The following CNTN4 variants were observed in gnomAD, a reference collection of about 807,000 sequenced individuals.
CNTN4 encodes contactin 4.
CNTN4 carries 77 observed loss-of-function variants against 122.5 expected under a neutral mutation model. The ratio of observed to expected loss-of-function variants is 0.63; its 90% CI spans 0.52 to 0.76. The LOEUF is 0.76. Among genes scored for constraint, CNTN4 ranks in the 30% least tolerant of loss-of-function variants. The pLI, the probability that CNTN4 is intolerant of heterozygous loss-of-function variation, is 0.00. For missense variants in CNTN4, 1,256 were observed against 1,259.1 expected, an observed-to-expected ratio of 1.00 and a Z score of 0.04; for synonymous variants, 512 against 447.0, an observed-to-expected ratio of 1.15 and a Z score of -1.83.
intron 3 of CNTN4, among the ~76,000 whole-genome samples, chr3:2,569,491 AAT>A (rs1253156997): frequency 1.3e-5 from 2 of 152,170 alleles, no homozygotes; most frequent in Admixed American, 1.3e-4. Context: ...GTATACCATA[AAT>A]ATATACAATT....
intron 5 of CNTN4, among the ~76,000 whole-genome samples, chr3:2,742,200 T>C (rs17019645): frequency 0.86 from 130,302 of 151,606 alleles, 56,098 homozygotes; most frequent in Admixed American, 0.9. Flanking sequence ...CTAGGTTCTC[T>C]CCTCAGACAC....
intron 3 of CNTN4, among the ~76,000 whole-genome samples, chr3:2,521,343 T>TCGGGGCCCCCAC (rs781282977): frequency 7.8e-6 from 1 of 128,310 alleles, no homozygotes; most frequent in Admixed American, 8.2e-5. Flanking sequence ...CCTCTACCCA[T>TCGGGGCCCCCAC]CCCCCCCACC....
chr3:2,659,239 GA>G (rs1336471395), intron 4 of CNTN4, among the ~76,000 whole-genome samples: 1 of 151,954 alleles, frequency 6.6e-6, no homozygotes, highest in African/African-American at 2.4e-5. Context: ...AAGGCGAGCA[GA>G]TCACTTGAGG....
chr3:2,147,802 G>C (rs190946607), intron 2 of CNTN4, among the ~76,000 whole-genome samples: 8 of 152,120 alleles, frequency 5.3e-5, no homozygotes, highest in African/African-American at 1.4e-4. Flanking sequence ...GCTTTGATCA[G>C]ACAAGATGGC....
At chr3:2,120,734 C>G (rs2033715803) in intron 2 of CNTN4, among the ~76,000 whole-genome samples, 2 of 151,932 alleles carry the variant, frequency 1.3e-5, no homozygotes, top group African/African-American at 4.8e-5. Flanking sequence ...GCATGTGACT[C>G]TCACGAGTGT....
chr3:2,745,184 G>A (rs1417947536), intron 5 of CNTN4, among the ~76,000 whole-genome samples: 1 of 152,140 alleles, frequency 6.6e-6, no homozygotes, highest in Non-Finnish European at 1.5e-5. Context: ...TTTTACTGAG[G>A]AGCCCCATTT....
chr3:2,245,054 A>G (rs1559374848), intron 2 of CNTN4, among the ~76,000 whole-genome samples: 1 of 152,040 alleles, frequency 6.6e-6, no homozygotes, highest in Non-Finnish European at 1.5e-5. Context: ...CATAATAGAT[A>G]CAATGGATGG....
At chr3:2,558,012 A>G (rs2078792512) in intron 3 of CNTN4, among the ~76,000 whole-genome samples, 2 of 152,202 alleles carry the variant, frequency 1.3e-5, no homozygotes, top group African/African-American at 4.8e-5. Flanking sequence ...GGTATACTGT[A>G]TGTACATATC....
At chr3:2,317,961 G>T (rs566153987) in intron 2 of CNTN4, among the ~76,000 whole-genome samples, 145 of 152,206 alleles carry the variant, frequency 9.5e-4, no homozygotes, top group African/African-American at 3.2e-3. Context: ...TCTTTTGTCT[G>T]CATTTTCCCC....
chr3:2,586,375 T>C lies in CNTN4; in HGVS notation c.55+14817T>C, dbSNP rs376886515. 4.6e-5 allele frequency among the ~76,000 whole-genome samples: 7 copies of C among 152,156 alleles called. No individual in the cohort carries two copies. In the East Asian group the frequency reaches 1.3e-3, roughly 29 times the overall value. On this transcript the variant is annotated intron_variant, in intron 4 of 24. Coordinates refer to ENST00000418658, the MANE Select transcript of CNTN4 (RefSeq NM_175607.3). ...TGGCACAATATCGGCTCACTGCAAC[T>C]TCTGCCTCCCACGTTCAAGCGATTC... is the stretch of plus-strand genomic sequence containing the variant.
rs1327504755 is a variant in CNTN4, at chr3:2,978,327, C to T, written c.1359-10018C>T. Among the ~76,000 whole-genome samples the T allele has an allele frequency of 9.2e-5, 14 of 152,172 alleles. No homozygotes were observed. The East Asian group carries it at 2.7e-3, about 29-fold the overall frequency. ...CTACCCTAAATCCCGGCCCCATGTA[C>T]TCAGGCACATGCTGCTACTGGTTTA... On this transcript the variant is annotated intron_variant, in intron 13 of 24. Transcript: ENST00000418658.
intron 2 of CNTN4, among the ~76,000 whole-genome samples, chr3:2,224,415 C>T (rs908789763): frequency 5.3e-5 from 8 of 152,306 alleles, no homozygotes; most frequent in South Asian, 4.1e-4. Flanking sequence ...CTGGGAAAGA[C>T]GATAGTCTGT....
chr3:2,497,861 C>T (rs2076493926), intron 3 of CNTN4, among the ~76,000 whole-genome samples: 1 of 152,088 alleles, frequency 6.6e-6, no homozygotes, highest in Admixed American at 6.5e-5. Context: ...TCATGTTTGT[C>T]TAGCTCTTCA....
At chr3:2,869,308 G>A (rs1466792773) in intron 8 of CNTN4, among the ~76,000 whole-genome samples, 1 of 152,086 alleles carries the variant, frequency 6.6e-6, no homozygotes, top group Admixed American at 6.6e-5. Context: ...TAATTCAGTT[G>A]GGAAATGATG....
At chr3:2,476,729 T>A (rs1258029917) in intron 3 of CNTN4, among the ~76,000 whole-genome samples, 1 of 152,190 alleles carries the variant, frequency 6.6e-6, no homozygotes, top group Non-Finnish European at 1.5e-5. Flanking sequence ...AATTGGATTG[T>A]GATTATGATT....
At chr3:2,258,178 A>G (rs942544333) in intron 2 of CNTN4, among the ~76,000 whole-genome samples, 1 of 152,214 alleles carries the variant, frequency 6.6e-6, no homozygotes, top group African/African-American at 2.4e-5. Context: ...TGCGGAAGAC[A>G]GTGTGGCAAT....
intron 2 of CNTN4, among the ~76,000 whole-genome samples, chr3:2,283,173 A>G (rs1293114015): frequency 1.3e-5 from 2 of 152,072 alleles, no homozygotes; most frequent in East Asian, 1.9e-4. Context: ...AAGCATTTTA[A>G]GAGAAGACAT....
At chr3:2,580,021 A>C (rs989891797) in intron 4 of CNTN4, among the ~76,000 whole-genome samples, 3 of 143,264 alleles carry the variant, frequency 2.1e-5, no homozygotes, top group African/African-American at 7.7e-5. Flanking sequence ...CAAATACCTA[A>C]ATTGGTTAAG....
chr3:2,328,576 T>C (rs1267532690), intron 2 of CNTN4, among the ~76,000 whole-genome samples: 2 of 152,132 alleles, frequency 1.3e-5, no homozygotes, highest in African/African-American at 4.8e-5. Flanking sequence ...GTTAGAAATA[T>C]TTTCTTCCTT....
Sources: allele counts gnomAD v4.1 joint callset (sites outside exome capture counted in the v4.1 genomes callset), GRCh38; gene constraint gnomAD v4.1.1; transcripts MANE v1.5; gene names NCBI Gene and HGNC (gene_info 2026-07-23, HGNC 2026-07-21).